DIS3L2: variants seen among roughly 807,000 people sequenced by gnomAD.
DIS3L2 encodes the protein DIS3-like exonuclease 2.
A neutral mutation model predicts 97.5 loss-of-function variants in DIS3L2; 34 were observed. That is an observed-to-expected ratio of 0.35 (90% CI 0.27 to 0.46). The LOEUF is 0.46. Ranked by LOEUF, DIS3L2 falls within the 20% of genes least tolerant of loss-of-function variation. The pLI, the probability that DIS3L2 is intolerant of heterozygous loss-of-function variation, is 1.00. For synonymous variants in DIS3L2, 435 were observed against 445.2 expected, an observed-to-expected ratio of 0.98 and a Z score of 0.29; for missense variants, 1,038 against 1,146.0, an observed-to-expected ratio of 0.91 and a Z score of 1.36.
In DIS3L2 at chr2:231,996,772, A is replaced by G. The variant is rs188727496; in HGVS notation, c.-93-18063A>G. On this transcript the variant is annotated intron_variant, in intron 1 of 20. Coordinates refer to ENST00000325385, the MANE Select transcript of DIS3L2 (RefSeq NM_152383.5). ...ATAAAATGGATTATTCTTTACTACTATACATAAGACTGTGGAGGCTTTCTA... is the reference window on the plus strand; with the variant it reads ...ATAAAATGGATTATTCTTTACTACTGTACATAAGACTGTGGAGGCTTTCTA... Among the ~76,000 whole-genome samples, 6 of 152,350 alleles carry G rather than the reference A, an allele frequency of 3.9e-5. No individual in the cohort carries two copies. The East Asian group carries it at 9.6e-4, about 24-fold the overall frequency.
intron 3 of DIS3L2, among the ~76,000 whole-genome samples, chr2:232,022,291 T>G (rs1040052609): frequency 1.3e-5 from 2 of 152,212 alleles, no homozygotes; most frequent in Admixed American, 6.5e-5. Flanking sequence ...TTGCAAATGC[T>G]GTTGTGGAAC....
At position 232,281,875 on chromosome 2, in the gene DIS3L2, G is replaced by C. The variant is rs1221913277; in HGVS notation, c.1660-18165G>C. Among the ~76,000 whole-genome samples the C allele has an allele frequency of 6.6e-6, 1 of 152,146 alleles. No individual in the cohort carries two copies. Among genetic ancestry groups the C allele is most frequent in the Non-Finnish European group, 1.5e-5 (1 of 68,032 alleles). On this transcript the variant is annotated intron_variant, in intron 13 of 20. Transcript: ENST00000325385. The surrounding 1 kb of genome is among the most constrained non-coding windows in gnomAD (Gnocchi z 4.1). ...CACAGGCTGCTGCCTCTGAGTTAAAGAGACATGGGAAGCATCGGGATTGCT... is the reference window on the plus strand; with the variant it reads ...CACAGGCTGCTGCCTCTGAGTTAAACAGACATGGGAAGCATCGGGATTGCT...
At chr2:232,040,401 G>C (rs1318594753) in intron 5 of DIS3L2, among the ~76,000 whole-genome samples, 1 of 152,112 alleles carries the variant, frequency 6.6e-6, no homozygotes, top group African/African-American at 2.4e-5. Context: ...GGGGACCATG[G>C]CACCCTTTTA....
At chr2:232,016,574 T>C (rs1237954449) in intron 3 of DIS3L2, among the ~76,000 whole-genome samples, 2 of 151,990 alleles carry the variant, frequency 1.3e-5, no homozygotes, top group African/African-American at 2.4e-5. Context: ...ATGAGTGATA[T>C]GTGTGTGGGA....
intron 8 of DIS3L2, among the ~76,000 whole-genome samples, chr2:232,160,728 T>G (rs1017649657): frequency 3.3e-5 from 5 of 151,864 alleles, no homozygotes; most frequent in African/African-American, 9.7e-5. Flanking sequence ...AATACAAAAA[T>G]TAGATGGGCC....
intron 9 of DIS3L2, among the ~76,000 whole-genome samples, chr2:232,185,849 CAAAAAA>C (rs71056259): frequency 9.8e-6 from 1 of 102,306 alleles, no homozygotes; most frequent in Non-Finnish European, 2.1e-5. Flanking sequence ...GACTTCGTCT[CAAAAAA>C]AAAAAAAAAA....
intron 5 of DIS3L2, among the ~76,000 whole-genome samples, chr2:232,072,536 G>A (rs998890034): frequency 3.8e-4 from 58 of 152,270 alleles, no homozygotes; most frequent in South Asian, 1.0e-3. Context: ...TCATAGGTAG[G>A]ATTCTGTTTC....
intron 5 of DIS3L2, among the ~76,000 whole-genome samples, chr2:232,060,004 T>C (rs113192238): frequency 6.6e-6 from 1 of 152,328 alleles, no homozygotes; most frequent in Non-Finnish European, 1.5e-5. Context: ...GTATACCCAG[T>C]AGTGGCATTG....
chr2:232,254,022 G>A (rs1251538056), intron 12 of DIS3L2, among the ~76,000 whole-genome samples: 3 of 152,126 alleles, frequency 2.0e-5, no homozygotes, highest in African/African-American at 7.2e-5. Context: ...CCACAGACAT[G>A]TCATTTCGCT....
Position 232,293,759 on chromosome 2 carries a change from C to T in DIS3L2, c.1660-6281C>T, listed in dbSNP as rs922732707. 2.6e-5 allele frequency among the ~76,000 whole-genome samples: 4 copies of T among 152,178 alleles called. No individual in the cohort carries two copies. The highest frequency in any genetic ancestry group is 9.7e-5 in the African/African-American group (4 of 41,442). On this transcript the variant is annotated intron_variant, in intron 13 of 20. Transcript: ENST00000325385. The surrounding 1 kb of genome is among the most constrained non-coding windows in gnomAD (Gnocchi z 4.6). ...ACAACCAACCTTCAGCGAGCCTGGGCTGTGTTGAATTCACTTTCATATCTC... is the reference window on the plus strand; with the variant it reads ...ACAACCAACCTTCAGCGAGCCTGGGTTGTGTTGAATTCACTTTCATATCTC...
chr2:232,342,077 A>G (rs1429453229), downstream of DIS3L2, among the ~76,000 whole-genome samples: 1 of 150,370 alleles, frequency 6.7e-6, no homozygotes, highest in Non-Finnish European at 1.5e-5. Flanking sequence ...ACAACGATAG[A>G]TAATAGAACA....
intron 6 of DIS3L2, among the ~76,000 whole-genome samples, chr2:232,089,496 C>T (rs920838366): frequency 6.6e-6 from 1 of 152,146 alleles, no homozygotes; most frequent in Non-Finnish European, 1.5e-5. Flanking sequence ...TTATCGTAAT[C>T]ACATCAGTAC....
At chr2:232,098,458 A>T (rs954465394) in intron 6 of DIS3L2, among the ~76,000 whole-genome samples, 1 of 151,084 alleles carries the variant, frequency 6.6e-6, no homozygotes, top group Non-Finnish European at 1.5e-5. Flanking sequence ...GGTTCAAACG[A>T]TTATCCTGCC....
intron 1 of DIS3L2, among the ~76,000 whole-genome samples, chr2:232,000,552 A>T (rs535290989): frequency 4.6e-5 from 7 of 151,752 alleles, no homozygotes; most frequent in Non-Finnish European, 1.0e-4. Flanking sequence ...ACTTAGCCTA[A>T]TGTCCTCTAG....
intron 5 of DIS3L2, among the ~76,000 whole-genome samples, chr2:232,035,749 T>A (rs1694933896): frequency 6.6e-6 from 1 of 152,230 alleles, no homozygotes; most frequent in Admixed American, 6.5e-5. Context: ...TTATTTCTCC[T>A]TCACTTATGA....
At chr2:232,077,943 TTTTCTTTCTTTCTCTTTCTTTC>T (rs1696246088) in intron 5 of DIS3L2, among the ~76,000 whole-genome samples, 1 of 148,986 alleles carries the variant, frequency 6.7e-6, no homozygotes, top group African/African-American at 2.5e-5. Context: ...CTTTCTTTCT[TTTTCTTTCTTTCTCTTTCTTTC>T]TTTCTTTCTT....
intron 1 of DIS3L2, among the ~76,000 whole-genome samples, chr2:232,011,973 A>T (rs1694213072): frequency 6.6e-6 from 1 of 152,246 alleles, no homozygotes; most frequent in Non-Finnish European, 1.5e-5. Flanking sequence ...TTTTCTACTT[A>T]GCATTTTATA....
At chr2:232,086,926 C>A (rs1001604280) in intron 5 of DIS3L2, among the ~76,000 whole-genome samples, 1 of 151,708 alleles carries the variant, frequency 6.6e-6, no homozygotes, top group East Asian at 1.9e-4. Context: ...ATGATCCGCC[C>A]GCCTCAGCCT....
At chr2:232,225,281 G>A (rs987077313) in intron 10 of DIS3L2, among the ~76,000 whole-genome samples, 7 of 152,102 alleles carry the variant, frequency 4.6e-5, no homozygotes, top group South Asian at 2.1e-4. Flanking sequence ...GTACAGGAAC[G>A]TTCATAGCAC....
Sources: gnomAD v4.1 joint callset for allele counts (sites outside exome capture counted in the v4.1 genomes callset) on GRCh38, gnomAD v4.1.1 for gene constraint, Gnocchi (gnomAD v3.1) non-coding constraint, MANE v1.5 for transcripts, NCBI Gene and HGNC (gene_info 2026-07-23, HGNC 2026-07-21) for gene names.